Variants in MITF observed in about 807,000 individuals in gnomAD.
MITF encodes melanocyte inducing transcription factor.
MITF carries 17 observed loss-of-function variants against 60.5 expected under a neutral mutation model. That is an observed-to-expected ratio of 0.28 (90% confidence interval 0.19 to 0.42). The LOEUF is 0.42. MITF is among the 10% of genes least tolerant of loss of function. MITF has a pLI of 1.00. For synonymous variants in MITF, 260 were observed against 248.5 expected (o/e 1.05, Z -0.43); for missense variants, 622 against 683.5 (o/e 0.91, Z 1.00).
intron 1 of MITF, among the ~76,000 whole-genome samples, chr3:69,765,265 G>A (rs1175534163): frequency 6.6e-6 from 1 of 152,158 alleles, no homozygotes; most frequent in Non-Finnish European, 1.5e-5. Context: ...AGATTTGTTT[G>A]TTCACAGTAT....
intron 1 of MITF, among the ~76,000 whole-genome samples, chr3:69,785,806 A>T (rs1455828314): frequency 6.6e-6 from 1 of 152,142 alleles, no homozygotes; most frequent in Admixed American, 6.5e-5. Context: ...CAAGGGAGCA[A>T]AAAAGGAATC....
intron 1 of MITF, among the ~76,000 whole-genome samples, chr3:69,861,703 C>T (rs1302632306): frequency 6.6e-6 from 1 of 152,156 alleles, no homozygotes; most frequent in East Asian, 1.9e-4. Context: ...TTGTCTTCCC[C>T]ATGGCGCTGA....
At chr3:69,938,553 T>C in intron 3 of MITF, 4 of 1,405,436 alleles carry the variant, frequency 2.8e-6, no homozygotes, top group Non-Finnish European at 3.7e-6. Context: ...CATGAGACTT[T>C]AACGGAAACG....
intron 1 of MITF, among the ~76,000 whole-genome samples, chr3:69,760,259 A>G (rs1028888732): frequency 6.6e-6 from 1 of 152,154 alleles, no homozygotes; most frequent in Non-Finnish European, 1.5e-5. Context: ...GAGATTATGG[A>G]CCATTGCTGA....
intron 1 of MITF, among the ~76,000 whole-genome samples, chr3:69,804,950 T>G (rs1343408599): frequency 6.6e-6 from 1 of 152,244 alleles, no homozygotes; most frequent in East Asian, 1.9e-4. Context: ...CACAGCTCTT[T>G]CACACATGTG....
intron 4 of MITF, among the ~76,000 whole-genome samples, chr3:69,940,381 A>G (rs1388603816): frequency 1.3e-5 from 2 of 152,258 alleles, no homozygotes; most frequent in Non-Finnish European, 2.9e-5. Flanking sequence ...GCTCAAATAC[A>G]TAAGGTGTTT....
In MITF at chr3:69,964,899, G is replaced by A. The variant is rs2107551923; in HGVS notation, c.1232G>A (p.Gly411Asp). ...AHGLSLIPST[G>D]LCSPDLVNRI... ...GGACTTTCCCTTATTCCATCCACGG[G>A]TCTCTGCTCTCCAGATTTGGTGAAT... Residue 411 changes from glycine to aspartate, a missense_variant, in exon 10 of 10, where the codon GGT (glycine) becomes GAT (aspartate). Coordinates refer to ENST00000352241, the MANE Select transcript of MITF (RefSeq NM_001354604.2). 1 of 1,614,036 alleles carries A rather than the reference G, an allele frequency of 6.2e-7. No individual in the cohort carries two copies. Among genetic ancestry groups the A allele is most frequent in the Non-Finnish European group, 8.5e-7 (1 of 1,180,002 alleles).
chr3:69,877,072 A>C (rs2064371257), intron 1 of MITF, among the ~76,000 whole-genome samples: 1 of 152,242 alleles, frequency 6.6e-6, no homozygotes, highest in Non-Finnish European at 1.5e-5. Context: ...ATTAGAATGT[A>C]AATATACTTT....
intron 9 of MITF, 141 bp downstream of exon 9, chr3:69,959,561 G>T: frequency 2.6e-6 from 3 of 1,151,566 alleles, no homozygotes; most frequent in Non-Finnish European, 3.8e-6. Flanking sequence ...TTCTGTGTGT[G>T]TGAATTTGCC....
At chr3:69,916,143 C>T (rs758611123) in intron 2 of MITF, among the ~76,000 whole-genome samples, 3 of 152,126 alleles carry the variant, frequency 2.0e-5, no homozygotes, top group African/African-American at 4.8e-5. Context: ...TATGTTTTTA[C>T]ATTTGTGCAA....
intron 2 of MITF, among the ~76,000 whole-genome samples, chr3:69,880,988 A>T (rs2064473688): frequency 6.6e-6 from 1 of 152,114 alleles, no homozygotes; most frequent in African/African-American, 2.4e-5. Context: ...AATTACCCAA[A>T]TGAAAATGTG....
chr3:69,767,020 AT>A (rs1411743445), intron 1 of MITF, among the ~76,000 whole-genome samples: 4 of 152,156 alleles, frequency 2.6e-5, no homozygotes, highest in African/African-American at 9.7e-5. Context: ...CCATTCAATA[AT>A]TTTTCTGGTA....
intron 2 of MITF, among the ~76,000 whole-genome samples, chr3:69,927,385 G>T (rs2107449898): frequency 6.6e-6 from 1 of 152,190 alleles, no homozygotes; most frequent in Admixed American, 6.5e-5. Context: ...GGGGGACAAG[G>T]GCAGGGAGAG....
chr3:69,835,835 G>A (rs1182316859), intron 1 of MITF, among the ~76,000 whole-genome samples: 1 of 152,050 alleles, frequency 6.6e-6, no homozygotes, highest in African/African-American at 2.4e-5. Context: ...ATTGGTCTTT[G>A]TGTGTGTTTT....
intron 2 of MITF, among the ~76,000 whole-genome samples, 185 bp from the exon 3 acceptor site, chr3:69,937,637 T>G (rs749331256): frequency 4.6e-5 from 7 of 152,212 alleles, no homozygotes; most frequent in Non-Finnish European, 7.4e-5. Context: ...CACCAAATCC[T>G]ACTAGTTAGA....
intron 1 of MITF, among the ~76,000 whole-genome samples, chr3:69,799,959 T>C (rs1455662270): frequency 6.6e-6 from 1 of 152,238 alleles, no homozygotes; most frequent in South Asian, 2.1e-4. Context: ...TAAATTGAGA[T>C]GTAATTCACA....
intron 2 of MITF, among the ~76,000 whole-genome samples, chr3:69,925,784 C>G (rs966209439): frequency 7.2e-5 from 11 of 152,180 alleles, no homozygotes; most frequent in African/African-American, 2.7e-4. Flanking sequence ...AGTATCTGAT[C>G]TCTTCTGTAC....
chr3:69,937,789 G>A (rs771636078), intron 2 of MITF, 33 bp from the exon 3 acceptor site: 18 of 1,575,522 alleles, frequency 1.1e-5, no homozygotes, highest in African/African-American at 2.7e-5. Context: ...AAATAACAGC[G>A]CTGTTTTCTT....
At chr3:69,961,361 G>A (rs1360737385) in intron 9 of MITF, among the ~76,000 whole-genome samples, 3 of 147,558 alleles carry the variant, frequency 2.0e-5, no homozygotes, top group Non-Finnish European at 4.5e-5. Flanking sequence ...CAGCCTAGGC[G>A]ACAGAGTGAG....
Sources: gnomAD v4.1 joint callset for allele counts (sites outside exome capture counted in the v4.1 genomes callset) on GRCh38, gnomAD v4.1.1 for gene constraint, MANE v1.5 for transcripts, NCBI Gene and HGNC (gene_info 2026-07-23, HGNC 2026-07-21) for gene names.